The following CD99L2 variants were observed in gnomAD, a reference collection of about 807,000 sequenced individuals.
The protein encoded by CD99L2 is CD99 antigen-like protein 2.
CD99L2 carries 24 observed loss-of-function variants against 27.3 expected under a neutral mutation model. The observed-to-expected ratio is 0.88, with a 90% CI of 0.64 to 1.24. The LOEUF is 1.24. Ranked by LOEUF, CD99L2 falls within the 50% of genes most tolerant of loss-of-function variation. CD99L2 has a pLI of 0.00. For missense variants in CD99L2, 255 were observed against 221.6 expected (o/e 1.15, Z -0.96); for synonymous variants, 97 against 87.9 (o/e 1.10, Z -0.58).
intron 1 of CD99L2, among the ~76,000 whole-genome samples, chrX:150,871,825 C>T (rs781963075): frequency 8.9e-6 from 1 of 111,904 alleles, no homozygotes; most frequent in Non-Finnish European, 1.9e-5. Context: ...ACATACAGTA[C>T]GGCTGAATCT....
At chrX:150,816,908 G>A (rs920896127) in intron 2 of CD99L2, among the ~76,000 whole-genome samples, 2 of 109,338 alleles carry the variant, frequency 1.8e-5, no homozygotes, top group Non-Finnish European at 3.8e-5. Flanking sequence ...GGACATGGAT[G>A]AAATTGGAAA....
intron 1 of CD99L2, among the ~76,000 whole-genome samples, chrX:150,844,153 C>T (rs2046664882): frequency 8.9e-6 from 1 of 112,009 alleles, no homozygotes; most frequent in Admixed American, 9.4e-5. Flanking sequence ...TTGAAATGAG[C>T]CATTTAATAA....
intron 1 of CD99L2, among the ~76,000 whole-genome samples, chrX:150,857,550 G>A (rs1488346734): frequency 9.0e-6 from 1 of 111,672 alleles, no homozygotes; most frequent in Non-Finnish European, 1.9e-5. Context: ...CCTTCCCAGA[G>A]AAGCAAAAGC....
intron 4 of CD99L2, among the ~76,000 whole-genome samples, chrX:150,812,152 C>A (rs1258631273): frequency 1.8e-5 from 2 of 111,342 alleles, no homozygotes; most frequent in African/African-American, 6.5e-5. Context: ...CAGAGTGAGA[C>A]CCTGTCTTGG....
At chrX:150,826,406 A>G (rs1185805707) in intron 2 of CD99L2, among the ~76,000 whole-genome samples, 1 of 111,648 alleles carries the variant, frequency 9.0e-6, no homozygotes, top group Non-Finnish European at 1.9e-5. Flanking sequence ...AGAGAAAGGA[A>G]GAGATGGTGA....
In CD99L2 at chrX:150,814,937, C is replaced by T. The variant is rs1192343155; in HGVS notation, c.203-1G>A. 2 of 1,208,868 alleles carry T rather than the reference C, an allele frequency of 1.7e-6. No individual in the cohort carries two copies. The highest frequency in any genetic ancestry group is 2.2e-6 in the Non-Finnish European group (2 of 894,456). Reference sequence around the variant, plus strand: ...GCATCAGCCAAGTCCAATCCACTACCTTCAGTGGGCCCCAAAACATAAAGG... The same window carrying T: ...GCATCAGCCAAGTCCAATCCACTACTTTCAGTGGGCCCCAAAACATAAAGG... On this transcript the variant is annotated splice_acceptor_variant, in intron 3 of 10. Transcript: ENST00000370377. LOFTEE classifies it high-confidence loss of function.
intron 1 of CD99L2, among the ~76,000 whole-genome samples, chrX:150,890,305 C>G: frequency 9.1e-6 from 1 of 109,466 alleles, no homozygotes; most frequent in African/African-American, 3.3e-5. Context: ...ATGGTGAAAC[C>G]CCGTCTCTAC....
At chrX:150,876,135 A>G (rs1557422312) in intron 1 of CD99L2, among the ~76,000 whole-genome samples, 1 of 112,297 alleles carries the variant, frequency 8.9e-6, no homozygotes, top group African/African-American at 3.2e-5. Flanking sequence ...AATTAGGAAT[A>G]AAGCTGTTAT....
chrX:150,793,631 C>T, intron 7 of CD99L2, 60 bp downstream of exon 7: 7 of 977,864 alleles, frequency 7.2e-6, no homozygotes, highest in Non-Finnish European at 9.7e-6. Context: ...AATCTGGTTG[C>T]TGCATAATCA....
At chrX:150,787,888 GTATA>G (rs527795783) in intron 7 of CD99L2, among the ~76,000 whole-genome samples, 12,918 of 63,498 alleles carry the variant, frequency 0.2, 1,514 homozygotes, top group East Asian at 0.46. Context: ...AGAACTTAAA[GTATA>G]TATATATATA....
At chrX:150,864,624 C>T (rs1175286695) in intron 1 of CD99L2, among the ~76,000 whole-genome samples, 1 of 111,974 alleles carries the variant, frequency 8.9e-6, no homozygotes, top group East Asian at 2.8e-4. Flanking sequence ...GGTGTCACAC[C>T]CTAGGACAAT....
At chrX:150,849,229 C>T (rs2046752422) in intron 1 of CD99L2, among the ~76,000 whole-genome samples, 2 of 111,462 alleles carry the variant, frequency 1.8e-5, no homozygotes, top group African/African-American at 6.5e-5. Flanking sequence ...TTTGTAAACA[C>T]TGACTAAGCA....
intron 1 of CD99L2, among the ~76,000 whole-genome samples, chrX:150,849,585 G>A (rs1322270233): frequency 9.0e-6 from 1 of 111,236 alleles, no homozygotes; most frequent in Non-Finnish European, 1.9e-5. Context: ...AGCAGGCTGA[G>A]GTGGGAGGAT....
Position 150,768,707 on chromosome X carries a change from C to G in CD99L2, c.*327G>C, listed in dbSNP as rs1480235031. ...TCCCCTAAGCATAAATGTCATCAGG[C>G]CTCAGCATCATCTTGGCCCCCGCAT... On this transcript the variant is annotated 3_prime_UTR_variant, in exon 11 of 11. Coordinates refer to ENST00000370377, the MANE Select transcript of CD99L2 (RefSeq NM_031462.4). The G allele has an allele frequency of 2.4e-5, 7 of 286,295 alleles. No homozygotes were observed. The highest frequency in any genetic ancestry group is 4.2e-5 in the Non-Finnish European group (7 of 168,589). 23.6% of individuals were successfully genotyped at this position (286,295 alleles called of 1,213,427 possible). A position where few individuals can be genotyped will look rare whatever the true frequency, so the allele number is the denominator to read the frequency against.
At chrX:150,875,908 T>A (rs1438028868) in intron 1 of CD99L2, among the ~76,000 whole-genome samples, 1 of 112,286 alleles carries the variant, frequency 8.9e-6, no homozygotes, top group African/African-American at 3.2e-5. Context: ...GTAAGTCCAT[T>A]AAACCTCTTT....
At chrX:150,815,408 G>A (rs1385788091) in intron 3 of CD99L2, among the ~76,000 whole-genome samples, 3 of 111,792 alleles carry the variant, frequency 2.7e-5, no homozygotes, top group African/African-American at 9.8e-5. Flanking sequence ...GTGTCTCTTC[G>A]GAAGAAAGGT....
chrX:150,778,887 C>A (rs1228081582), intron 7 of CD99L2, among the ~76,000 whole-genome samples: 1 of 109,990 alleles, frequency 9.1e-6, no homozygotes, highest in Non-Finnish European at 1.9e-5. Context: ...ACAATCATTG[C>A]TGTTGGAGAA....
chrX:150,806,612 C>T (rs369416683), intron 4 of CD99L2, among the ~76,000 whole-genome samples: 98 of 112,080 alleles, frequency 8.7e-4, no homozygotes, highest in African/African-American at 3.0e-3. Context: ...AGTAGAAGGC[C>T]GGGCGTGAAG....
At chrX:150,794,971 G>C (rs111605664) in intron 6 of CD99L2, among the ~76,000 whole-genome samples, 10,316 of 112,425 alleles carry the variant, frequency 0.092, 410 homozygotes, top group African/African-American at 0.15. Flanking sequence ...GATTAATAAA[G>C]TCTTTCAGTT....
Sources: allele counts gnomAD v4.1 joint callset (sites outside exome capture counted in the v4.1 genomes callset), GRCh38; gene constraint gnomAD v4.1.1; transcripts MANE v1.5; gene names NCBI Gene and HGNC (gene_info 2026-07-23, HGNC 2026-07-21).